The following CHRM3 variants were observed in gnomAD, a reference collection of about 807,000 sequenced individuals.
CHRM3 encodes the protein muscarinic acetylcholine receptor M3.
Under a neutral mutation model 41.8 loss-of-function variants are expected in CHRM3, and 11 were observed. That is an observed-to-expected ratio of 0.26 (90% CI 0.17 to 0.44). The LOEUF is 0.44. CHRM3 is among the 20% of genes least tolerant of loss of function. CHRM3 has a pLI of 1.00. For synonymous variants in CHRM3, 297 were observed against 301.4 expected, an observed-to-expected ratio of 0.99 and a Z score of 0.15; for missense variants, 571 against 745.4, an observed-to-expected ratio of 0.77 and a Z score of 2.72.
At chr1:239,753,127 T>G (rs1004001882) in intron 5 of CHRM3, among the ~76,000 whole-genome samples, 17 of 152,280 alleles carry the variant, frequency 1.1e-4, no homozygotes, top group African/African-American at 3.4e-4. Flanking sequence ...CTGAAATCTA[T>G]TATAGCGAGC....
intron 5 of CHRM3, among the ~76,000 whole-genome samples, chr1:239,823,002 C>A (rs901795980): frequency 2.0e-5 from 3 of 152,084 alleles, no homozygotes; most frequent in African/African-American, 7.2e-5. Context: ...GAAAGAAAGA[C>A]GTTAATAGAA....
intron 5 of CHRM3, among the ~76,000 whole-genome samples, chr1:239,681,504 G>A (rs1658558418): frequency 1.3e-5 from 2 of 152,162 alleles, no homozygotes; most frequent in African/African-American, 2.4e-5. Flanking sequence ...GTGTAAAAAT[G>A]ATCAGTGAAA....
At chr1:239,577,440 A>G (rs1325270762) in intron 3 of CHRM3, among the ~76,000 whole-genome samples, 1 of 152,220 alleles carries the variant, frequency 6.6e-6, no homozygotes, top group Non-Finnish European at 1.5e-5. Context: ...AAGTTCTCAT[A>G]TCTGAGACAA....
At chr1:239,441,154 C>T (rs1663685650) in intron 1 of CHRM3, among the ~76,000 whole-genome samples, 1 of 152,100 alleles carries the variant, frequency 6.6e-6, no homozygotes, top group African/African-American at 2.4e-5. Context: ...AGGTACGCAT[C>T]ATTATTTGCT....
intron 3 of CHRM3, among the ~76,000 whole-genome samples, chr1:239,614,012 A>G (rs796355868): frequency 1.1e-4 from 16 of 152,194 alleles, no homozygotes; most frequent in African/African-American, 3.9e-4. Flanking sequence ...AAAATAAATA[A>G]AACAATTAGC....
chr1:239,496,509 TA>T (rs1228777723), intron 2 of CHRM3, among the ~76,000 whole-genome samples: 3 of 81,342 alleles, frequency 3.7e-5, no homozygotes, highest in Admixed American at 3.3e-4. Flanking sequence ...CTAGTAATTC[TA>T]GTGTGTGTGT....
At chr1:239,596,883 A>C (rs1664841172) in intron 3 of CHRM3, among the ~76,000 whole-genome samples, 2 of 152,192 alleles carry the variant, frequency 1.3e-5, no homozygotes, top group African/African-American at 4.8e-5. Context: ...AAAATTTTTA[A>C]GAAGATTCAG....
intron 1 of CHRM3, among the ~76,000 whole-genome samples, chr1:239,460,719 A>T (rs1321866776): frequency 2.0e-5 from 3 of 152,214 alleles, no homozygotes; most frequent in Non-Finnish European, 4.4e-5. Flanking sequence ...GCAGAAGCTA[A>T]CAATGAGTTA....
chr1:239,806,192 C>T (rs1670627811), intron 5 of CHRM3, among the ~76,000 whole-genome samples: 1 of 152,184 alleles, frequency 6.6e-6, no homozygotes, highest in Admixed American at 6.5e-5. Flanking sequence ...CAGCTTTGAA[C>T]AACAACTGAA....
intron 2 of CHRM3, among the ~76,000 whole-genome samples, chr1:239,495,122 T>TTCTTG (rs1290034832): frequency 2.0e-5 from 3 of 152,200 alleles, no homozygotes; most frequent in Non-Finnish European, 4.4e-5. Context: ...GATAATGAAA[T>TTCTTG]TCTTGAACTC....
intron 1 of CHRM3, among the ~76,000 whole-genome samples, chr1:239,414,113 C>A (rs1051686192): frequency 6.6e-6 from 1 of 152,096 alleles, no homozygotes; most frequent in Non-Finnish European, 1.5e-5. Flanking sequence ...AAGCAGGTGC[C>A]GTCTCTCCAG....
At chr1:239,590,175 T>C (rs1663960658) in intron 3 of CHRM3, among the ~76,000 whole-genome samples, 1 of 152,150 alleles carries the variant, frequency 6.6e-6, no homozygotes, top group African/African-American at 2.4e-5. Flanking sequence ...GTGGATTTGC[T>C]CTGGGAATCC....
At chr1:239,401,177 C>T (rs750563068) in intron 1 of CHRM3, among the ~76,000 whole-genome samples, 1 of 152,176 alleles carries the variant, frequency 6.6e-6, no homozygotes, top group Non-Finnish European at 1.5e-5. Flanking sequence ...GGTCAGGCCA[C>T]AACATGGAAC....
intron 3 of CHRM3, among the ~76,000 whole-genome samples, chr1:239,577,332 A>T (rs1339889392): frequency 6.6e-6 from 1 of 152,160 alleles, no homozygotes; most frequent in Admixed American, 6.5e-5. Flanking sequence ...TTAAATAAAA[A>T]ATATTTTTGT....
intron 5 of CHRM3, among the ~76,000 whole-genome samples, chr1:239,728,004 T>G (rs920237530): frequency 2.6e-5 from 4 of 152,154 alleles, no homozygotes; most frequent in Non-Finnish European, 5.9e-5. Context: ...CCAATCAAGC[T>G]AATTTACATA....
At chr1:239,513,432 G>A (rs1669056428) in intron 2 of CHRM3, among the ~76,000 whole-genome samples, 1 of 152,096 alleles carries the variant, frequency 6.6e-6, no homozygotes, top group Admixed American at 6.6e-5. Flanking sequence ...TCTTCTTGGT[G>A]AGCAATCAGT....
At chr1:239,598,513 T>C (rs1665080676) in intron 3 of CHRM3, among the ~76,000 whole-genome samples, 1 of 152,158 alleles carries the variant, frequency 6.6e-6, no homozygotes, top group African/African-American at 2.4e-5. Flanking sequence ...TAAACTGAAC[T>C]TGCTTTATCC....
Position 239,909,296 on chromosome 1 carries a change from G to A in CHRM3, c.*72G>A, listed in dbSNP as rs202173815. 1.1e-5 allele frequency: 16 copies of A among 1,471,404 alleles called. No individual in the cohort carries two copies. Among genetic ancestry groups the A allele is most frequent in the Non-Finnish European group, 1.5e-5 (16 of 1,094,028 alleles). 91.1% of individuals were successfully genotyped at this position (1,471,404 alleles called of 1,614,324 possible). A position where few individuals can be genotyped will look rare whatever the true frequency, so the allele number is the denominator to read the frequency against. On this transcript the variant is annotated 3_prime_UTR_variant, in exon 7 of 7. Coordinates refer to ENST00000676153, the MANE Select transcript of CHRM3 (RefSeq NM_001375978.1). Reference sequence around the variant, plus strand: ...CAGACCTTAGGAGGAGGAAGGCGAGGGCGGGGTGACTTCTGGTGATGATAA... The same window carrying A: ...CAGACCTTAGGAGGAGGAAGGCGAGAGCGGGGTGACTTCTGGTGATGATAA...
chr1:239,452,608 GCAAA>G, intron 1 of CHRM3, among the ~76,000 whole-genome samples: 1 of 152,158 alleles, frequency 6.6e-6, no homozygotes, highest in Non-Finnish European at 1.5e-5. Flanking sequence ...CTTGATGTCT[GCAAA>G]CAAAGAATTA....
Sources: gnomAD v4.1 joint callset for allele counts (sites outside exome capture counted in the v4.1 genomes callset) on GRCh38, gnomAD v4.1.1 for gene constraint, MANE v1.5 for transcripts, NCBI Gene and HGNC (gene_info 2026-07-23, HGNC 2026-07-21) for gene names.